WDR72: variants seen among roughly 807,000 people sequenced by gnomAD.
WDR72 encodes WD repeat domain 72.
Under a neutral mutation model 124.2 loss-of-function variants are expected in WDR72, and 120 were observed. The ratio of observed to expected loss-of-function variants is 0.97; its 90% CI spans 0.83 to 1.12. The LOEUF (loss-of-function observed/expected upper bound fraction) is 1.12. Among genes scored for constraint, WDR72 ranks in the 50% most tolerant of loss-of-function variants. The pLI is 0.00. For missense variants in WDR72, 1,387 were observed against 1,278.8 expected (o/e 1.08, Z -1.29); for synonymous variants, 452 against 441.7 (o/e 1.02, Z -0.29).
chr15:53,670,476 A>T (rs1285526277), intron 13 of WDR72, among the ~76,000 whole-genome samples: 2 of 152,192 alleles, frequency 1.3e-5, no homozygotes, highest in Non-Finnish European at 2.9e-5. Flanking sequence ...GTAAAACCAG[A>T]GCTTTCTCTA....
intron 18 of WDR72, among the ~76,000 whole-genome samples, chr15:53,587,919 T>C (rs2012301208): frequency 6.6e-6 from 1 of 152,014 alleles, no homozygotes; most frequent in African/African-American, 2.4e-5. Flanking sequence ...TTGTAGCTTA[T>C]TCTCAGGGGG....
chr15:53,701,559 T>TCTCTCTCTCACACACACACA (rs369568228), intron 12 of WDR72, among the ~76,000 whole-genome samples: 4 of 120,102 alleles, frequency 3.3e-5, no homozygotes, highest in African/African-American at 1.2e-4. Context: ...TCTCTCTCTC[T>TCTCTCTCTCACACACACACA]CACACACACA....
chr15:53,760,180 A>G (rs2140909682), upstream of WDR72, among the ~76,000 whole-genome samples: 1 of 152,042 alleles, frequency 6.6e-6, no homozygotes, highest in African/African-American at 2.4e-5. Context: ...AAACAATCCA[A>G]TTATACTCTT....
chr15:53,560,616 T>C (rs1326887745), intron 18 of WDR72, among the ~76,000 whole-genome samples: 1 of 151,896 alleles, frequency 6.6e-6, no homozygotes, highest in Non-Finnish European at 1.5e-5. Context: ...TATTTTGTGC[T>C]CTAAAATAGA....
intron 12 of WDR72, among the ~76,000 whole-genome samples, chr15:53,700,647 T>A (rs543178788): frequency 6.6e-6 from 1 of 152,292 alleles, no homozygotes; most frequent in Admixed American, 6.5e-5. Context: ...AAAGCATCAG[T>A]TTGGAGACCT....
chr15:53,520,915 T>A (rs1891757534), intron 19 of WDR72, among the ~76,000 whole-genome samples: 1 of 152,092 alleles, frequency 6.6e-6, no homozygotes, highest in African/African-American at 2.4e-5. Flanking sequence ...CACTCTCTCA[T>A]CAAAATCTTT....
chr15:53,618,924 C>G (rs2013876605), intron 14 of WDR72, among the ~76,000 whole-genome samples: 1 of 151,914 alleles, frequency 6.6e-6, no homozygotes, highest in Non-Finnish European at 1.5e-5. Flanking sequence ...ACTCTTTTGT[C>G]TTTCTGTACC....
intron 17 of WDR72, among the ~76,000 whole-genome samples, chr15:53,597,594 G>A (rs929855758): frequency 1.2e-4 from 18 of 152,182 alleles, no homozygotes; most frequent in Middle Eastern, 3.4e-3. Flanking sequence ...ATTTCCACCA[G>A]AAGATAAAGA....
intron 13 of WDR72, among the ~76,000 whole-genome samples, chr15:53,687,097 C>G (rs1368380875): frequency 6.7e-6 from 1 of 149,772 alleles, no homozygotes; most frequent in East Asian, 2.0e-4. Context: ...TAAATGCCCA[C>G]AAGAGAAAGC....
At chr15:53,635,877 A>G (rs1461724652) in intron 14 of WDR72, among the ~76,000 whole-genome samples, 3 of 152,182 alleles carry the variant, frequency 2.0e-5, no homozygotes, top group Non-Finnish European at 4.4e-5. Flanking sequence ...GCTGCTGTTA[A>G]TAAGACATGC....
intron 18 of WDR72, among the ~76,000 whole-genome samples, chr15:53,556,168 T>C (rs1427898586): frequency 6.6e-6 from 1 of 152,104 alleles, no homozygotes; most frequent in Non-Finnish European, 1.5e-5. Flanking sequence ...AATATATAAA[T>C]GAGGCAATAC....
At chr15:53,610,882 T>C (rs2013511411) in intron 16 of WDR72, among the ~76,000 whole-genome samples, 1 of 152,144 alleles carries the variant, frequency 6.6e-6, no homozygotes, top group South Asian at 2.1e-4. Context: ...TTTGTGGACC[T>C]TGTGACTCAA....
intron 19 of WDR72, among the ~76,000 whole-genome samples, chr15:53,522,908 G>A (rs1891880628): frequency 6.6e-6 from 1 of 151,884 alleles, no homozygotes; most frequent in Non-Finnish European, 1.5e-5. Context: ...TTAAAATGTT[G>A]CCATTTCTCT....
At chr15:53,742,378 G>A (rs2018533328) in intron 1 of WDR72, among the ~76,000 whole-genome samples, 1 of 152,108 alleles carries the variant, frequency 6.6e-6, no homozygotes, top group East Asian at 1.9e-4. Flanking sequence ...TACACCTGTT[G>A]TGTTTCAAAT....
At chr15:53,703,086 G>GT (rs200328000) in intron 11 of WDR72, among the ~76,000 whole-genome samples, 4,561 of 151,110 alleles carry the variant, frequency 0.03, 128 homozygotes, top group African/African-American at 0.067. Context: ...GCTAATTTTT[G>GT]TTTTTTTTGC....
chr15:53,664,805 TA>T (rs2015721998), intron 14 of WDR72, among the ~76,000 whole-genome samples: 1 of 152,002 alleles, frequency 6.6e-6, no homozygotes, highest in Non-Finnish European at 1.5e-5. Context: ...CCAGCAATGA[TA>T]GACACACCAC....
chr15:53,567,591 A>T (rs1894347406), intron 18 of WDR72, among the ~76,000 whole-genome samples: 1 of 152,030 alleles, frequency 6.6e-6, no homozygotes, highest in Non-Finnish European at 1.5e-5. Context: ...CAGTTTTATA[A>T]ATAAAAGACA....
At chr15:53,748,689 A>G (rs1363829564) in intron 1 of WDR72, among the ~76,000 whole-genome samples, 1 of 152,102 alleles carries the variant, frequency 6.6e-6, no homozygotes, top group Non-Finnish European at 1.5e-5. Context: ...GAGCTTCCTC[A>G]TTACTTCAAC....
At chr15:53,708,815 TG>T (rs1391802059) in intron 9 of WDR72, among the ~76,000 whole-genome samples, 3 of 152,138 alleles carry the variant, frequency 2.0e-5, no homozygotes, top group Non-Finnish European at 4.4e-5. Flanking sequence ...GCTGAGACCC[TG>T]GGAAAACCAG....
Sources: gnomAD v4.1 joint callset for allele counts (sites outside exome capture counted in the v4.1 genomes callset) on GRCh38, gnomAD v4.1.1 for gene constraint, MANE v1.5 for transcripts, NCBI Gene and HGNC (gene_info 2026-07-23, HGNC 2026-07-21) for gene names.